Variants in SMYD3 observed in about 807,000 individuals in gnomAD.
SMYD3 encodes histone-lysine N-methyltransferase SMYD3.
Under a neutral mutation model 57.7 loss-of-function variants are expected in SMYD3, and 36 were observed. The ratio of observed to expected loss-of-function variants is 0.62; its 90% CI spans 0.48 to 0.82. SMYD3 has a LOEUF of 0.82. Among genes scored for constraint, SMYD3 ranks in the 40% least tolerant of loss-of-function variants. SMYD3 has a pLI of 0.00. For synonymous variants in SMYD3, 211 were observed against 195.0 expected (o/e 1.08, Z -0.68); for missense variants, 515 against 538.8 (o/e 0.96, Z 0.44).
intron 5 of SMYD3, among the ~76,000 whole-genome samples, chr1:245,968,666 G>A (rs1343664926): frequency 2.6e-5 from 4 of 152,178 alleles, no homozygotes; most frequent in Non-Finnish European, 2.9e-5. Flanking sequence ...CTCGGGGCAA[G>A]TTACTCAAGT....
chr1:246,084,537 T>C (rs2060693762), intron 5 of SMYD3, among the ~76,000 whole-genome samples: 1 of 152,160 alleles, frequency 6.6e-6, no homozygotes, highest in African/African-American at 2.4e-5. Context: ...AATCTTATTC[T>C]AGCATTCTAT....
chr1:245,769,587 C>T (rs112107907), intron 10 of SMYD3, among the ~76,000 whole-genome samples: 121 of 152,256 alleles, frequency 7.9e-4, no homozygotes, highest in African/African-American at 2.6e-3. Context: ...CAGCCAAATA[C>T]GAGGTGCAGA....
At chr1:246,125,090 ACAC>A (rs2061490946) in intron 5 of SMYD3, among the ~76,000 whole-genome samples, 1 of 118,532 alleles carries the variant, frequency 8.4e-6, no homozygotes, top group South Asian at 2.7e-4. Context: ...AAAAAAAAAC[ACAC>A]ACACACACAC....
chr1:246,225,941 T>C (rs971859166), intron 5 of SMYD3, among the ~76,000 whole-genome samples: 8 of 152,232 alleles, frequency 5.3e-5, no homozygotes, highest in African/African-American at 1.9e-4. Flanking sequence ...CTGGAAATGG[T>C]GGAAACTTCA....
At chr1:246,006,940 G>C (rs1236024539) in intron 5 of SMYD3, among the ~76,000 whole-genome samples, 5 of 152,174 alleles carry the variant, frequency 3.3e-5, no homozygotes, top group African/African-American at 1.2e-4. Flanking sequence ...TCGAGAAAAG[G>C]CATGGGCAGG....
chr1:246,077,925 TCTTC>T (rs2060574901), intron 5 of SMYD3, among the ~76,000 whole-genome samples: 1 of 152,132 alleles, frequency 6.6e-6, no homozygotes, highest in Non-Finnish European at 1.5e-5. Flanking sequence ...ACAAAATCTG[TCTTC>T]CTTTCTTTAG....
chr1:246,454,743 A>G (rs2067677329), intron 1 of SMYD3, among the ~76,000 whole-genome samples: 1 of 152,218 alleles, frequency 6.6e-6, no homozygotes, highest in African/African-American at 2.4e-5. Flanking sequence ...CTTTTACTGA[A>G]TGAGTCAAAA....
chr1:245,780,863 T>C (rs1041561806), intron 10 of SMYD3, among the ~76,000 whole-genome samples: 2 of 152,160 alleles, frequency 1.3e-5, no homozygotes, highest in African/African-American at 4.8e-5. Context: ...AATAATCAAC[T>C]GGGAGTAGAT....
chr1:246,250,466 G>GT (rs2063781307), intron 5 of SMYD3, among the ~76,000 whole-genome samples: 1 of 152,220 alleles, frequency 6.6e-6, no homozygotes, highest in East Asian at 1.9e-4. Flanking sequence ...GTCCAAACAC[G>GT]TAAGTTTACA....
At chr1:246,431,949 T>C (rs551625642) in intron 1 of SMYD3, among the ~76,000 whole-genome samples, 39 of 152,300 alleles carry the variant, frequency 2.6e-4, no homozygotes, top group Non-Finnish European at 1.5e-5. Flanking sequence ...GGGAAAATCA[T>C]TCCATTCCTA....
intron 1 of SMYD3, among the ~76,000 whole-genome samples, chr1:246,456,661 C>A (rs1435476730): frequency 6.6e-6 from 1 of 152,226 alleles, no homozygotes; most frequent in African/African-American, 2.4e-5. Context: ...CCCCATAAGA[C>A]TGTTTCTTTG....
chr1:246,234,807 T>C (rs1399573934), intron 5 of SMYD3, among the ~76,000 whole-genome samples: 1 of 152,202 alleles, frequency 6.6e-6, no homozygotes, highest in Non-Finnish European at 1.5e-5. Context: ...AGAAACCTCT[T>C]TGACTACACA....
rs532044376 is a variant in SMYD3 at position 246,262,982 on chromosome 1, G to T, written c.531+64219C>A. ...GCATGATGCACATTCTCTCAACTTT[G>T]TATGTAAATAAATCCTACATTCTTT... On this transcript the variant is annotated intron_variant, in intron 5 of 11. Coordinates refer to ENST00000490107, the MANE Select transcript of SMYD3 (RefSeq NM_001167740.2). Among the ~76,000 whole-genome samples, 116 of 152,218 alleles carry T rather than the reference G, an allele frequency of 7.6e-4. 1 individual carries two copies. The highest frequency in any genetic ancestry group is 7.6e-3 in the Admixed American group (116 of 15,286).
chr1:246,295,525 G>A (rs2064776809), intron 5 of SMYD3, among the ~76,000 whole-genome samples: 1 of 152,158 alleles, frequency 6.6e-6, no homozygotes, highest in South Asian at 2.1e-4. Context: ...ATTAAAAACT[G>A]TCAGGTTGCC....
chr1:245,967,174 A>G (rs573740056), intron 5 of SMYD3, among the ~76,000 whole-genome samples: 2 of 152,290 alleles, frequency 1.3e-5, no homozygotes, highest in South Asian at 2.1e-4. Flanking sequence ...CTATTCCATC[A>G]CAATTCTTAT....
chr1:246,315,357 G>C (rs191106105), intron 5 of SMYD3, among the ~76,000 whole-genome samples: 3 of 152,308 alleles, frequency 2.0e-5, no homozygotes, highest in Admixed American at 2.0e-4. Flanking sequence ...AAAAGGGAAA[G>C]CTCAATCCTA....
chr1:246,343,854 A>C (rs2065668888), intron 2 of SMYD3, among the ~76,000 whole-genome samples: 1 of 152,102 alleles, frequency 6.6e-6, no homozygotes, highest in African/African-American at 2.4e-5. Flanking sequence ...AATTGTGATC[A>C]CTGTATTACA....
At chr1:246,479,233 A>C (rs2068071932) in intron 1 of SMYD3, among the ~76,000 whole-genome samples, 1 of 152,222 alleles carries the variant, frequency 6.6e-6, no homozygotes, top group African/African-American at 2.4e-5. Flanking sequence ...CTGGTACAAG[A>C]TCATGGTTCA....
chr1:245,920,361 C>A (rs2055830250), intron 7 of SMYD3, among the ~76,000 whole-genome samples: 1 of 149,102 alleles, frequency 6.7e-6, no homozygotes, highest in African/African-American at 2.5e-5. Context: ...AAAATTAGAC[C>A]TTGTTTCATT....
Sources: allele counts gnomAD v4.1 joint callset (sites outside exome capture counted in the v4.1 genomes callset), GRCh38; gene constraint gnomAD v4.1.1; transcripts MANE v1.5; gene names NCBI Gene and HGNC (gene_info 2026-07-23, HGNC 2026-07-21).